The following DROSHA variants were observed in gnomAD, a reference collection of about 807,000 sequenced individuals.
The protein encoded by DROSHA is drosha ribonuclease III, also known as ribonuclease 3.
In DROSHA, 56 loss-of-function variants were observed where a neutral mutation model predicts 181.9. The ratio of observed to expected loss-of-function variants is 0.31; its 90% CI spans 0.25 to 0.38. The LOEUF is 0.38. Among genes scored for constraint, DROSHA ranks in the 10% least tolerant of loss-of-function variants. The probability of loss-of-function intolerance (pLI) is 1.00; values close to 1 mark genes in which losing one functional copy is unlikely to be tolerated. For missense variants in DROSHA, 1,218 were observed against 1,743.5 expected, an observed-to-expected ratio of 0.70 and a Z score of 5.37; for synonymous variants, 524 against 591.2, an observed-to-expected ratio of 0.89 and a Z score of 1.65.
Position 31,411,023 on chromosome 5 carries a change from A to G in DROSHA, c.3526-136T>C. On this transcript the variant is annotated intron_variant, in intron 30 of 35. Coordinates refer to ENST00000344624, the MANE Select transcript of DROSHA (RefSeq NM_001382508.1). This position sits in a 1 kb window ranked among gnomAD's most constrained non-coding sequence, Gnocchi z 4.2. Reference sequence around the variant, plus strand: ...ATAAGTGAGGTCTATGGCCTCAACCATCACCCAGATGACAGTGATATGCTC... The same window carrying G: ...ATAAGTGAGGTCTATGGCCTCAACCGTCACCCAGATGACAGTGATATGCTC... 2 of 1,233,672 alleles carry G rather than the reference A, an allele frequency of 1.6e-6. No homozygotes were observed. The highest frequency in any genetic ancestry group is 2.3e-6 in the Non-Finnish European group (2 of 886,844). The allele number at this position is 1,233,672 out of a possible 1,614,324, so 76.4% of individuals were successfully genotyped here. A position where few individuals can be genotyped will look rare whatever the true frequency, so the allele number is the denominator to read the frequency against.
intron 30 of DROSHA, 90 bp from the exon 31 acceptor site, chr5:31,410,977 G>C: frequency 6.5e-7 from 1 of 1,548,790 alleles, no homozygotes; most frequent in Non-Finnish European, 8.7e-7. Context: ...CTGAGAGGCT[G>C]TCACTGACAG....
At chr5:31,456,671 CTGTT>C (rs1394202731) in intron 20 of DROSHA, among the ~76,000 whole-genome samples, 1 of 152,140 alleles carries the variant, frequency 6.6e-6, no homozygotes, top group African/African-American at 2.4e-5. Context: ...TAACATAAAA[CTGTT>C]TGACAGACAG....
In DROSHA at chr5:31,466,099, G is replaced by A. The variant is rs1033495710; in HGVS notation, c.2466+83C>T. 1.2e-5 allele frequency: 16 copies of A among 1,352,212 alleles called. No individual in the cohort carries two copies. In the African/African-American group the frequency reaches 2.3e-4, roughly 20 times the overall value. The allele number at this position is 1,352,212 out of a possible 1,614,324, so 83.8% of individuals were successfully genotyped here. On this transcript the variant is annotated intron_variant, in intron 19 of 35. Coordinates refer to ENST00000344624, the MANE Select transcript of DROSHA (RefSeq NM_001382508.1). Reference sequence around the variant, plus strand: ...AAAAATATTTTTCCATCTTGTACCAGAAGTATAGTGTGATACAACAATCAC... The same window carrying A: ...AAAAATATTTTTCCATCTTGTACCAAAAGTATAGTGTGATACAACAATCAC...
chr5:31,424,259 C>T (rs1225756650), intron 28 of DROSHA, among the ~76,000 whole-genome samples, 168 bp downstream of exon 28: 2 of 152,130 alleles, frequency 1.3e-5, no homozygotes, highest in Non-Finnish European at 2.9e-5. Flanking sequence ...TGCATGGGTT[C>T]ATTCTCCTAT....
At chr5:31,493,759 C>T (rs989879486) in intron 12 of DROSHA, among the ~76,000 whole-genome samples, 2 of 152,168 alleles carry the variant, frequency 1.3e-5, no homozygotes, top group Non-Finnish European at 2.9e-5. Context: ...AGGTCAACCC[C>T]TCATAGCTCT....
intron 19 of DROSHA, among the ~76,000 whole-genome samples, chr5:31,465,146 A>C (rs1416695868): frequency 1.3e-5 from 2 of 152,186 alleles, no homozygotes; most frequent in Non-Finnish European, 1.5e-5. Flanking sequence ...GGCCTAAATC[A>C]CAGTAAGTGA....
rs192561448 is a variant in DROSHA at position 31,402,368 on chromosome 5, C to T, written c.3995-806G>A. ...TGATCAACCATGGGCCAAAAATAGGCGAGTAATGTACAATAACATTCTGAA... is the reference window on the plus strand; with the variant it reads ...TGATCAACCATGGGCCAAAAATAGGTGAGTAATGTACAATAACATTCTGAA... On this transcript the variant is annotated intron_variant, in intron 35 of 35. Transcript: ENST00000344624. 6.3e-5 allele frequency among the ~76,000 whole-genome samples: 9 copies of T among 142,982 alleles called. No homozygotes were observed. The South Asian group carries it at 9.3e-4, about 15-fold the overall frequency. 93.8% of individuals were successfully genotyped at this position (142,982 alleles called of 152,430 possible).
At position 31,409,386 on chromosome 5, in the gene DROSHA, A is replaced by G. The variant is rs763986866; in HGVS notation, c.3668-54T>C. 5 of 1,528,034 alleles carry G rather than the reference A, an allele frequency of 3.3e-6. No homozygotes were observed. Among genetic ancestry groups the G allele is most frequent in the Non-Finnish European group, 4.4e-6 (5 of 1,130,100 alleles). The allele number at this position is 1,528,034 out of a possible 1,614,324, so 94.7% of individuals were successfully genotyped here. ...ACCACAATCACTGCCATCTATCAGA[A>G]AGAGTAAGAGACCTAGACCTTTAAG... On this transcript the variant is annotated intron_variant, in intron 31 of 35. Transcript: ENST00000344624. The surrounding 1 kb of genome is among the most constrained non-coding windows in gnomAD (Gnocchi z 4.0).
rs771650594 is a variant in DROSHA, at chr5:31,504,525, T to C, written c.1668+30A>G. On this transcript the variant is annotated intron_variant, in intron 11 of 35. Transcript: ENST00000344624. ...TCTGTCTACTTCTGGCTTCTCAGCA[T>C]TTACAAACATAATAACCCAAACCAG... is the stretch of plus-strand genomic sequence containing the variant. The C allele has an allele frequency of 1.7e-5, 28 of 1,611,906 alleles. 1 individual carries two copies. The South Asian group carries it at 2.9e-4, about 16-fold the overall frequency.
rs1389821370 is a variant in DROSHA, at chr5:31,437,287, T to C, written c.2894A>G (p.Asn965Ser). Residue 965 changes from asparagine (N) to serine (S), a missense_variant, in exon 24 of 36, where the codon AAT (asparagine) becomes AGT (serine). Asn to Ser is a conservative substitution (Grantham distance 46, BLOSUM62 1). Coordinates refer to ENST00000344624, the MANE Select transcript of DROSHA (RefSeq NM_001382508.1). ...DDPTPSRINH[N>S]ERLEFLGDAV... ...ATCACCCAGGAATTCCAACCGTTCA[T>C]TGTGGTTAATCCTACAATAGGAATT... The C allele has an allele frequency of 2.5e-6, 4 of 1,578,168 alleles. No individual in the cohort carries two copies. The highest frequency in any genetic ancestry group is 1.2e-5 in the South Asian group (1 of 85,684).
chr5:31,459,669 T>C (rs1748153819), intron 20 of DROSHA, among the ~76,000 whole-genome samples: 1 of 152,230 alleles, frequency 6.6e-6, no homozygotes, highest in Admixed American at 6.5e-5. Flanking sequence ...TCTAGAGATG[T>C]TACTTTTCAC....
intron 13 of DROSHA, among the ~76,000 whole-genome samples, chr5:31,488,471 T>C (rs146611590): frequency 4.0e-5 from 6 of 149,794 alleles, no homozygotes; most frequent in African/African-American, 7.4e-5. Flanking sequence ...CTAGAAAAAG[T>C]TGAGGCAGAG....
chr5:31,432,095 G>T (rs1266876242), intron 25 of DROSHA, among the ~76,000 whole-genome samples: 1 of 151,276 alleles, frequency 6.6e-6, no homozygotes, highest in East Asian at 1.9e-4. Context: ...TTTGACTCAA[G>T]TCATGTGGTA....
intron 20 of DROSHA, among the ~76,000 whole-genome samples, chr5:31,458,341 ATC>A (rs1339460720): frequency 6.6e-6 from 1 of 152,218 alleles, no homozygotes; most frequent in African/African-American, 2.4e-5. Context: ...TAAATTGCTA[ATC>A]TGGGACTACT....
chr5:31,410,069 C>T (rs1221693912), intron 31 of DROSHA, among the ~76,000 whole-genome samples: 1 of 150,832 alleles, frequency 6.6e-6, no homozygotes, highest in African/African-American at 2.4e-5. Context: ...TTTTAAGTTC[C>T]TTAGTCAGAA....
intron 25 of DROSHA, among the ~76,000 whole-genome samples, chr5:31,432,616 T>C (rs1744318389): frequency 1.3e-5 from 2 of 152,208 alleles, no homozygotes; most frequent in Non-Finnish European, 2.9e-5. Context: ...AAGCAATGAA[T>C]TGGATTGATC....
intron 16 of DROSHA, among the ~76,000 whole-genome samples, chr5:31,478,795 G>A (rs1750696504): frequency 6.6e-6 from 1 of 152,122 alleles, no homozygotes. Context: ...ACTTTCTGTT[G>A]GTCAGAAAGA....
At chr5:31,523,018 C>A (rs1740075964) in intron 5 of DROSHA, among the ~76,000 whole-genome samples, 1 of 152,070 alleles carries the variant, frequency 6.6e-6, no homozygotes, top group African/African-American at 2.4e-5. Flanking sequence ...ATTCACTTAC[C>A]CCAAGAAGCA....
At chr5:31,484,504 C>CGTGTGT (rs369474665) in intron 15 of DROSHA, among the ~76,000 whole-genome samples, 117,833 of 144,940 alleles carry the variant, frequency 0.81, 47,316 homozygotes, top group South Asian at 0.89. Flanking sequence ...TGCGTGTGTG[C>CGTGTGT]ATGTGTGTGT....
Sources: gnomAD v4.1 joint callset for allele counts (sites outside exome capture counted in the v4.1 genomes callset) on GRCh38, gnomAD v4.1.1 for gene constraint, Gnocchi (gnomAD v3.1) non-coding constraint, MANE v1.5 for transcripts, NCBI Gene and HGNC (gene_info 2026-07-23, HGNC 2026-07-21) for gene names.